The following GNB1 variants were observed in gnomAD, a reference collection of about 807,000 sequenced individuals.
GNB1 encodes the protein G protein subunit beta 1.
GNB1 carries 2 observed loss-of-function variants against 42.9 expected under a neutral mutation model. The ratio of observed to expected loss-of-function variants is 0.05; its 90% CI spans 0.02 to 0.15. The LOEUF is 0.15. Ranked by LOEUF, GNB1 falls within the 10% of genes least tolerant of loss-of-function variation. The pLI is 1.00. For synonymous variants in GNB1, 183 were observed against 174.7 expected (o/e 1.05, Z -0.38); for missense variants, 193 against 462.2 (o/e 0.42, Z 5.34).
At chr1:1,792,967 GAGGCAGGAGAATCATTTAAACCCGGC>G (rs1646501619) in intron 8 of GNB1, among the ~76,000 whole-genome samples, 1 of 151,946 alleles carries the variant, frequency 6.6e-6, no homozygotes, top group East Asian at 1.9e-4. Context: ...TCAGGAGGAT[GAGGCAGGAGAATCATTTAAACCCGGC>G]AGGCAGATGT....
intron 5 of GNB1, among the ~76,000 whole-genome samples, chr1:1,814,026 A>G (rs1646816969): frequency 6.6e-6 from 1 of 152,124 alleles, no homozygotes; most frequent in African/African-American, 2.4e-5. Context: ...CACATTTCTA[A>G]AATTTATTCC....
chr1:1,787,567 G>A lies in GNB1; in HGVS notation c.917-130C>T. 1.7e-6 allele frequency: 1 copy of A among 579,740 alleles called. No homozygotes were observed. Among genetic ancestry groups the A allele is most frequent in the African/African-American group, 1.9e-5 (1 of 53,230 alleles). 35.9% of individuals were successfully genotyped at this position (579,740 alleles called of 1,614,324 possible). A position where few individuals can be genotyped will look rare whatever the true frequency, so the allele number is the denominator to read the frequency against. Reference sequence around the variant, plus strand: ...ACCCAGAGTCTCCCACGGCCAGGAAGGGAGGGAAAGTTGCATCCACGTGGG... The same window carrying A: ...ACCCAGAGTCTCCCACGGCCAGGAAAGGAGGGAAAGTTGCATCCACGTGGG... On this transcript the variant is annotated intron_variant, in intron 10 of 11. Coordinates refer to ENST00000378609, the MANE Select transcript of GNB1 (RefSeq NM_002074.5). This position sits in a 1 kb window ranked among gnomAD's most constrained non-coding sequence, Gnocchi z 4.4.
chr1:1,841,964 T>C (rs1479801486), intron 1 of GNB1, among the ~76,000 whole-genome samples: 1 of 152,232 alleles, frequency 6.6e-6, no homozygotes, highest in Non-Finnish European at 1.5e-5. Context: ...TGAGCATGAA[T>C]GGATGAATAA....
chr1:1,818,205 G>A, intron 3 of GNB1: 1 of 214,326 alleles, frequency 4.7e-6, no homozygotes, highest in Non-Finnish European at 9.8e-6. Context: ...CCCTGGTGCT[G>A]CCTGTGCCCT....
Position 1,787,480 on chromosome 1 carries a change from A to G in GNB1, c.917-43T>C. 8.4e-7 allele frequency: 1 copy of G among 1,185,280 alleles called. No individual in the cohort carries two copies. Among genetic ancestry groups the G allele is most frequent in the Non-Finnish European group, 1.3e-6 (1 of 792,128 alleles). 73.4% of individuals were successfully genotyped at this position (1,185,280 alleles called of 1,614,324 possible). A position where few individuals can be genotyped will look rare whatever the true frequency, so the allele number is the denominator to read the frequency against. ...CAGAATCACACCAAAGCCCAGAGGCATCGATCTCACCTGTGTGCCATGTTG... is the reference window on the plus strand; with the variant it reads ...CAGAATCACACCAAAGCCCAGAGGCGTCGATCTCACCTGTGTGCCATGTTG... On this transcript the variant is annotated intron_variant, in intron 10 of 11. Coordinates refer to ENST00000378609, the MANE Select transcript of GNB1 (RefSeq NM_002074.5). The surrounding 1 kb of genome is among the most constrained non-coding windows in gnomAD (Gnocchi z 4.4).
chr1:1,788,796 A>G (rs1007306884), intron 10 of GNB1: 2 of 451,390 alleles, frequency 4.4e-6, no homozygotes, highest in Admixed American at 3.3e-5. Context: ...TGGAGCCTGC[A>G]CAGCTGACCC....
At chr1:1,838,134 G>C (rs1647176171) in intron 2 of GNB1, among the ~76,000 whole-genome samples, 1 of 152,088 alleles carries the variant, frequency 6.6e-6, no homozygotes, top group Non-Finnish European at 1.5e-5. Context: ...ACCTGGGAGG[G>C]GGAGGTTGCA....
chr1:1,827,849 A>G (rs1460508817), intron 2 of GNB1, among the ~76,000 whole-genome samples: 1 of 152,232 alleles, frequency 6.6e-6, no homozygotes, highest in East Asian at 1.9e-4. Flanking sequence ...TCCAAAATCA[A>G]CATGAAGAAA....
chr1:1,831,155 G>A (rs538272521), intron 2 of GNB1, among the ~76,000 whole-genome samples: 24 of 151,788 alleles, frequency 1.6e-4, no homozygotes, highest in Non-Finnish European at 2.9e-4. Context: ...ACAGAATGAG[G>A]CTCCATCTCA....
chr1:1,834,695 G>A (rs1050400236), intron 2 of GNB1, among the ~76,000 whole-genome samples: 2 of 143,300 alleles, frequency 1.4e-5, no homozygotes, highest in African/African-American at 5.1e-5. Context: ...TTGAGATGGA[G>A]TCTCACTCTG....
chr1:1,857,075 A>G (rs1648345037), intron 1 of GNB1, among the ~76,000 whole-genome samples: 1 of 152,196 alleles, frequency 6.6e-6, no homozygotes, highest in African/African-American at 2.4e-5. Flanking sequence ...GAGAAGCCTT[A>G]ATGGGAAATT....
Position 1,811,522 on chromosome 1 carries a change from G to A in GNB1, c.203+4234C>T, listed in dbSNP as rs949397389. ...ACCCTGGCTAACACGGTGAAATCCCGTCTCTACTAAAAAGACAAAAAAAAT... is the reference window on the plus strand; with the variant it reads ...ACCCTGGCTAACACGGTGAAATCCCATCTCTACTAAAAAGACAAAAAAAAT... On this transcript the variant is annotated intron_variant, in intron 5 of 11. Coordinates refer to ENST00000378609, the MANE Select transcript of GNB1 (RefSeq NM_002074.5). 3.3e-5 allele frequency among the ~76,000 whole-genome samples: 5 copies of A among 151,682 alleles called. No individual in the cohort carries two copies. In the East Asian group the frequency reaches 5.9e-4, roughly 18 times the overall value.
chr1:1,843,066 G>A (rs76115830), intron 1 of GNB1, among the ~76,000 whole-genome samples: 3 of 152,242 alleles, frequency 2.0e-5, no homozygotes, highest in African/African-American at 4.8e-5. Context: ...CTGGCATCCC[G>A]AGAGGCAATA....
intron 1 of GNB1, among the ~76,000 whole-genome samples, chr1:1,861,763 A>G (rs1648642224): frequency 6.6e-6 from 1 of 152,144 alleles, no homozygotes; most frequent in Non-Finnish European, 1.5e-5. Flanking sequence ...CAACACAGAC[A>G]GCACTGGAAG....
At chr1:1,826,738 G>A (rs1201640244) in intron 2 of GNB1, among the ~76,000 whole-genome samples, 2 of 152,134 alleles carry the variant, frequency 1.3e-5, no homozygotes, top group South Asian at 2.1e-4. Flanking sequence ...AGTACAAGCC[G>A]CCCTGCCTTC....
At chr1:1,843,415 T>C (rs998271051) in intron 1 of GNB1, among the ~76,000 whole-genome samples, 1 of 152,010 alleles carries the variant, frequency 6.6e-6, no homozygotes, top group Non-Finnish European at 1.5e-5. Context: ...TTTGTAGACA[T>C]GGGGTCTTGC....
At chr1:1,864,337 G>GAAAAAAAAAAAAAAAAA in intron 1 of GNB1, among the ~76,000 whole-genome samples, 1 of 91,178 alleles carries the variant, frequency 1.1e-5, no homozygotes, top group East Asian at 3.9e-4. Context: ...AAAAAAAAAA[G>GAAAAAAAAAAAAAAAAA]AAGAAAACCC....
chr1:1,800,939 G>A (rs758725140), intron 7 of GNB1, among the ~76,000 whole-genome samples: 35 of 152,236 alleles, frequency 2.3e-4, no homozygotes, highest in Non-Finnish European at 4.0e-4. Flanking sequence ...TAGGGCTCCC[G>A]GCCGAAAGGA....
chr1:1,861,292 A>AC (rs972121424), intron 1 of GNB1, among the ~76,000 whole-genome samples: 1 of 151,830 alleles, frequency 6.6e-6, no homozygotes, highest in African/African-American at 2.4e-5. Context: ...CCTCATCTCC[A>AC]CACACACAAA....
Sources: gnomAD v4.1 joint callset for allele counts (sites outside exome capture counted in the v4.1 genomes callset) on GRCh38, gnomAD v4.1.1 for gene constraint, Gnocchi (gnomAD v3.1) non-coding constraint, MANE v1.5 for transcripts, NCBI Gene and HGNC (gene_info 2026-07-23, HGNC 2026-07-21) for gene names.